The following CNOT4 variants were observed in gnomAD, a reference collection of about 807,000 sequenced individuals.
CNOT4 encodes CCR4-associated factor 4.
A neutral mutation model predicts 73.8 loss-of-function variants in CNOT4; 8 were observed. That is an observed-to-expected ratio of 0.11 (90% CI 0.06 to 0.20). The LOEUF is 0.20. Among genes scored for constraint, CNOT4 ranks in the 10% least tolerant of loss-of-function variants. The pLI is 1.00. For missense variants in CNOT4, 564 were observed against 883.4 expected (o/e 0.64, Z 4.58); for synonymous variants, 293 against 321.1 (o/e 0.91, Z 0.94).
intron 10 of CNOT4, among the ~76,000 whole-genome samples, chr7:135,365,240 T>C (rs1382146974): frequency 6.6e-6 from 1 of 152,134 alleles, no homozygotes; most frequent in East Asian, 1.9e-4. Context: ...AAAGATAAAA[T>C]ACTACAACTA....
At position 135,393,941 on chromosome 7, in the gene CNOT4, C is replaced by T; in HGVS notation, c.1604G>A (p.Gly535Asp). The T allele has an allele frequency of 1.2e-6, 2 of 1,613,246 alleles. No homozygotes were observed. The highest frequency in any genetic ancestry group is 1.1e-5 in the South Asian group (1 of 90,978). ...ACCTGCTACAGGGATCCCTCCCAGA[C>T]CTGTGTTGTGCTGTGGCGGGAGATT... ...DLNLPPQHNT[G>D]LGGIPVADNS... Residue 535 changes from glycine to aspartate, a missense_variant, in exon 10 of 12, where the codon GGT (glycine) becomes GAT (aspartate). Coordinates refer to ENST00000541284, the MANE Select transcript of CNOT4 (RefSeq NM_001190850.2).
intron 1 of CNOT4, among the ~76,000 whole-genome samples, chr7:135,459,898 T>G (rs1310277414): frequency 6.6e-6 from 1 of 152,238 alleles, no homozygotes; most frequent in African/African-American, 2.4e-5. Flanking sequence ...TCATCCATGA[T>G]CTTAGCTAGA....
chr7:135,510,100 T>G lies in CNOT4; in HGVS notation c.-304A>C, dbSNP rs1052340875. ...CCATCTTACATTAGGGTAAGACTCC[T>G]CCGGCCTCCCGTGCGCAGGCGCACG... On this transcript the variant is annotated 5_prime_UTR_variant, in exon 1 of 12. Transcript: ENST00000541284. 2.0e-5 allele frequency: 8 copies of G among 396,764 alleles called. 1 individual carries two copies. Among genetic ancestry groups the G allele is most frequent in the Admixed American group, 8.8e-5 (2 of 22,658 alleles). 24.6% of individuals were successfully genotyped at this position (396,764 alleles called of 1,614,324 possible).
chr7:135,413,138 T>C (rs1797669510), intron 6 of CNOT4, among the ~76,000 whole-genome samples: 1 of 152,044 alleles, frequency 6.6e-6, no homozygotes, highest in Non-Finnish European at 1.5e-5. Flanking sequence ...ACATTCCCCT[T>C]AAAATAGCAT....
intron 1 of CNOT4, among the ~76,000 whole-genome samples, chr7:135,507,354 T>C (rs1476036498): frequency 6.6e-6 from 1 of 152,138 alleles, no homozygotes; most frequent in Non-Finnish European, 1.5e-5. Context: ...AAAGAAACCA[T>C]GAAAATATGA....
rs903497389 is a variant in CNOT4, at chr7:135,420,438, G to A, written c.372+1718C>T. On this transcript the variant is annotated intron_variant, in intron 3 of 11. Transcript: ENST00000541284. ...CAAAAAATACAAAAACTAGCCAGGT[G>A]TGGTGATATGCACCTGTAGACCCAG... 3.2e-4 allele frequency among the ~76,000 whole-genome samples: 49 copies of A among 151,766 alleles called. 2 individuals carry two copies. The highest frequency in any genetic ancestry group is 2.9e-5 in the Non-Finnish European group (2 of 67,930).
intron 10 of CNOT4, chr7:135,388,416 A>G (rs1338881600): frequency 2.0e-6 from 2 of 983,970 alleles, no homozygotes; most frequent in African/African-American, 1.7e-5. Context: ...GGAGATTAGG[A>G]TATTATTTTT....
At chr7:135,366,181 G>C (rs1303598286) in intron 10 of CNOT4, among the ~76,000 whole-genome samples, 1 of 152,172 alleles carries the variant, frequency 6.6e-6, no homozygotes, top group Non-Finnish European at 1.5e-5. Flanking sequence ...TAGGGAGAGA[G>C]AGAATATCCC....
intron 1 of CNOT4, among the ~76,000 whole-genome samples, chr7:135,443,677 G>A (rs1425156689): frequency 1.3e-5 from 2 of 152,116 alleles, no homozygotes. Flanking sequence ...ACTGTAACTA[G>A]TAACTGTGAC....
intron 2 of CNOT4, among the ~76,000 whole-genome samples, chr7:135,432,709 T>C (rs191258842): frequency 3.9e-5 from 6 of 152,134 alleles, no homozygotes; most frequent in Non-Finnish European, 7.4e-5. Flanking sequence ...CATCCTCCAA[T>C]AGATTCCTGG....
At chr7:135,478,412 C>G (rs572072628) in intron 1 of CNOT4, among the ~76,000 whole-genome samples, 1 of 152,044 alleles carries the variant, frequency 6.6e-6, no homozygotes, top group Non-Finnish European at 1.5e-5. Context: ...AGGCCATGAC[C>G]CTTAGCTTAC....
rs1554438688 is a variant in CNOT4, at chr7:135,453,825, T to TTTATATATATA, written c.-92-15413_-92-15403dup. On this transcript the variant is annotated intron_variant, in intron 1 of 11. Transcript: ENST00000541284. ...AAATATATATAATAAATATATATAT[T>TTTATATATATA]TTATATATATATATATATATATTAT... Among the ~76,000 whole-genome samples, 4 of 77,342 alleles carry TTTATATATATA rather than the reference T, an allele frequency of 5.2e-5. No homozygotes were observed. In the East Asian group the frequency reaches 1.6e-3, roughly 32 times the overall value. 50.7% of individuals were successfully genotyped at this position (77,342 alleles called of 152,430 possible).
chr7:135,418,627 G>A (rs1798003172), intron 3 of CNOT4, among the ~76,000 whole-genome samples: 1 of 152,120 alleles, frequency 6.6e-6, no homozygotes, highest in East Asian at 1.9e-4. Flanking sequence ...TAAGACCACG[G>A]ACAAGTCACT....
At chr7:135,408,340 A>G (rs1439025075) in intron 7 of CNOT4, among the ~76,000 whole-genome samples, 1 of 152,188 alleles carries the variant, frequency 6.6e-6, no homozygotes, top group Non-Finnish European at 1.5e-5. Flanking sequence ...GACATGGGGA[A>G]ATTATTCATA....
intron 1 of CNOT4, among the ~76,000 whole-genome samples, chr7:135,472,560 A>ATATATAT (rs1801705668): frequency 1.2e-5 from 1 of 81,566 alleles, no homozygotes; most frequent in Non-Finnish European, 2.3e-5. Context: ...TATATATATA[A>ATATATAT]AGTGATCCTC....
At chr7:135,419,888 C>CAA (rs58628282) in intron 3 of CNOT4, among the ~76,000 whole-genome samples, 1 of 134,464 alleles carries the variant, frequency 7.4e-6, no homozygotes. Flanking sequence ...ACTAAAAATC[C>CAA]AAAAAAAAAA....
intron 1 of CNOT4, among the ~76,000 whole-genome samples, chr7:135,460,688 C>T (rs1800823881): frequency 6.6e-6 from 1 of 151,794 alleles, no homozygotes; most frequent in African/African-American, 2.4e-5. Flanking sequence ...AATGTGACAC[C>T]GAAACATGAA....
intron 1 of CNOT4, among the ~76,000 whole-genome samples, chr7:135,471,527 T>C (rs1801574184): frequency 1.3e-5 from 2 of 152,218 alleles, no homozygotes; most frequent in South Asian, 4.1e-4. Flanking sequence ...TTTAAAGAAA[T>C]CTGATAAAAT....
At chr7:135,485,438 A>T (rs879755487) in intron 1 of CNOT4, among the ~76,000 whole-genome samples, 2 of 151,788 alleles carry the variant, frequency 1.3e-5, no homozygotes, top group Non-Finnish European at 2.9e-5. Context: ...GTCCTAGGAG[A>T]CCTAAAGCAG....
Sources: allele counts gnomAD v4.1 joint callset (sites outside exome capture counted in the v4.1 genomes callset), GRCh38; gene constraint gnomAD v4.1.1; transcripts MANE v1.5; gene names NCBI Gene and HGNC (gene_info 2026-07-23, HGNC 2026-07-21).